Variants in DGKH observed in about 807,000 individuals in gnomAD.
DGKH encodes diacylglycerol kinase eta.
In DGKH, 90 loss-of-function variants were observed where a neutral mutation model predicts 159.3. The observed-to-expected ratio is 0.57, with a 90% confidence interval of 0.48 to 0.67. DGKH has a LOEUF of 0.67. Among genes scored for constraint, DGKH ranks in the 30% least tolerant of loss-of-function variants. DGKH has a pLI of 0.00. For missense variants in DGKH, 1,181 were observed against 1,506.1 expected (o/e 0.78, Z 3.57); for synonymous variants, 536 against 553.8 (o/e 0.97, Z 0.45).
At chr13:42,087,576 G>T (rs1347456694) in intron 1 of DGKH, among the ~76,000 whole-genome samples, 1 of 152,062 alleles carries the variant, frequency 6.6e-6, no homozygotes, top group African/African-American at 2.4e-5. Context: ...AACACAAGAG[G>T]ATTCATAAAG....
intron 28 of DGKH, among the ~76,000 whole-genome samples, chr13:42,220,989 T>G (rs1184920177): frequency 6.6e-6 from 1 of 152,190 alleles, no homozygotes; most frequent in Non-Finnish European, 1.5e-5. Flanking sequence ...TGTATGCATA[T>G]TGTGTAGGTT....
intron 1 of DGKH, among the ~76,000 whole-genome samples, chr13:42,051,876 G>C (rs1288919181): frequency 1.3e-5 from 2 of 151,916 alleles, no homozygotes; most frequent in African/African-American, 4.8e-5. Flanking sequence ...TGTTGGTCAG[G>C]CTGGTCTCGA....
chr13:42,084,949 T>C (rs1420328422), intron 1 of DGKH, among the ~76,000 whole-genome samples: 1 of 152,098 alleles, frequency 6.6e-6, no homozygotes, highest in Non-Finnish European at 1.5e-5. Context: ...ATCCTATAAA[T>C]AGATATGTAT....
At chr13:42,073,666 A>G (rs1883121072) in intron 1 of DGKH, among the ~76,000 whole-genome samples, 1 of 152,238 alleles carries the variant, frequency 6.6e-6, no homozygotes, top group Non-Finnish European at 1.5e-5. Flanking sequence ...TTTTCAGCTT[A>G]TGATATTTTT....
intron 1 of DGKH, among the ~76,000 whole-genome samples, chr13:42,093,941 T>A (rs1039326857): frequency 6.6e-6 from 1 of 152,010 alleles, no homozygotes; most frequent in African/African-American, 2.4e-5. Flanking sequence ...CACAATACTG[T>A]GAATGTACTT....
chr13:42,087,103 CA>C lies in DGKH; in HGVS notation c.192+38140del, dbSNP rs1462789271. Among the ~76,000 whole-genome samples the C allele has an allele frequency of 4.0e-3, 553 of 138,058 alleles. 2 individuals carry two copies. Among genetic ancestry groups the C allele is most frequent in the African/African-American group, 0.015 (533 of 36,740 alleles). 90.6% of individuals were successfully genotyped at this position (138,058 alleles called of 152,430 possible). A position where few individuals can be genotyped will look rare whatever the true frequency, so the allele number is the denominator to read the frequency against. On this transcript the variant is annotated intron_variant, in intron 1 of 29. Coordinates refer to ENST00000337343, the MANE Select transcript of DGKH (RefSeq NM_178009.5). ...CACACACCTCAGAACAGAGTAGGCA[CA>C]ACAATCCTTGAAGCTCATACAGAAC...
intron 2 of DGKH, among the ~76,000 whole-genome samples, chr13:42,128,834 GTTCTACAGTCTAC>G (rs1566116406): frequency 6.6e-6 from 1 of 152,176 alleles, no homozygotes; most frequent in Admixed American, 6.5e-5. Context: ...AAGTAGACTA[GTTCTACAGTCTAC>G]TTCAGTTTCA....
At chr13:42,120,090 A>G (rs1257769952) in intron 1 of DGKH, among the ~76,000 whole-genome samples, 1 of 152,222 alleles carries the variant, frequency 6.6e-6, no homozygotes, top group East Asian at 1.9e-4. Flanking sequence ...TGGATAGGAC[A>G]TTAAAGACTC....
rs908608821 is a variant in DGKH at position 42,237,776 on chromosome 13, T to C, written c.*8588T>C. 1 of 152,178 alleles carries C rather than the reference T, an allele frequency of 6.6e-6. No homozygotes were observed. Among genetic ancestry groups the C allele is most frequent in the Non-Finnish European group, 1.5e-5 (1 of 68,038 alleles). The allele number at this position is 152,178 out of a possible 1,614,324, so 9.4% of individuals were successfully genotyped here. ...AAATATCTGTGCTTTCTCATCTCAGTGATTGATGTCTGGAGAACTAGTCAG... is the reference window on the plus strand; with the variant it reads ...AAATATCTGTGCTTTCTCATCTCAGCGATTGATGTCTGGAGAACTAGTCAG... On this transcript the variant is annotated 3_prime_UTR_variant, in exon 30 of 30. Transcript: ENST00000337343.
At chr13:42,189,424 G>A (rs1957011126) in intron 15 of DGKH, 115 bp downstream of exon 15, 1 of 1,372,378 alleles carries the variant, frequency 7.3e-7, no homozygotes, top group Non-Finnish European at 9.8e-7. Flanking sequence ...AATTTTTAAG[G>A]CAAGATAGAA....
chr13:42,110,587 A>ATCATTCATTCATCCATTCAT (rs1954844534), intron 1 of DGKH, among the ~76,000 whole-genome samples: 1 of 150,880 alleles, frequency 6.6e-6, no homozygotes, highest in African/African-American at 2.4e-5. Context: ...TTGAAGGATA[A>ATCATTCATTCATCCATTCAT]TCATTCATTC....
chr13:42,214,455 T>C, intron 24 of DGKH, 52 bp from the exon 25 acceptor site: 2 of 1,547,062 alleles, frequency 1.3e-6, no homozygotes, highest in Non-Finnish European at 1.8e-6. Flanking sequence ...TCAAAAAAAA[T>C]GAGCAATACT....
At chr13:42,191,601 C>T (rs910520284) in intron 16 of DGKH, among the ~76,000 whole-genome samples, 4 of 152,108 alleles carry the variant, frequency 2.6e-5, no homozygotes, top group Admixed American at 6.5e-5. Flanking sequence ...TGAGCTGTGG[C>T]ATGATGAAGA....
At chr13:42,159,208 G>C in intron 5 of DGKH, 58 bp from the exon 6 acceptor site, 1 of 879,260 alleles carries the variant, frequency 1.1e-6, no homozygotes, top group Non-Finnish European at 1.6e-6. Flanking sequence ...TTTAATCATT[G>C]GTCCAAAATT....
At chr13:42,100,078 G>A (rs1355500364) in intron 1 of DGKH, among the ~76,000 whole-genome samples, 5 of 152,284 alleles carry the variant, frequency 3.3e-5, no homozygotes, top group Non-Finnish European at 5.9e-5. Flanking sequence ...GGTGAGTGGG[G>A]GGCAAGTGAG....
In DGKH at chr13:42,178,336, T is replaced by A. The variant is rs1956659034; in HGVS notation, c.1538+116T>A. 9 of 751,942 alleles carry A rather than the reference T, an allele frequency of 1.2e-5. No individual in the cohort carries two copies. In the South Asian group the frequency reaches 2.2e-4, roughly 18 times the overall value. The allele number at this position is 751,942 out of a possible 1,614,324, so 46.6% of individuals were successfully genotyped here. On this transcript the variant is annotated intron_variant, in intron 13 of 29. Coordinates refer to ENST00000337343, the MANE Select transcript of DGKH (RefSeq NM_178009.5). ...CTCAAAAAATATCTTGGAAGTAGCT[T>A]ATAAAATTAGATGTACTAAATTTGA...
upstream of DGKH, among the ~76,000 whole-genome samples, chr13:42,045,250 G>A (rs1392898531): frequency 6.6e-6 from 1 of 152,152 alleles, no homozygotes; most frequent in Non-Finnish European, 1.5e-5. Flanking sequence ...AGAGTTTAAG[G>A]ACGCAGTGAG....
In DGKH at chr13:42,237,707, C is replaced by T. The variant is rs2138313714; in HGVS notation, c.*8519C>T. Reference sequence around the variant, plus strand: ...AGGTAGTTCAGATGACCTAATCATTCAAGACATTTGATGGAGTCCACACAA... The same window carrying T: ...AGGTAGTTCAGATGACCTAATCATTTAAGACATTTGATGGAGTCCACACAA... On this transcript the variant is annotated 3_prime_UTR_variant, in exon 30 of 30. Transcript: ENST00000337343. The T allele has an allele frequency of 6.6e-6, 1 of 152,296 alleles. No homozygotes were observed. Among genetic ancestry groups the T allele is most frequent in the South Asian group, 2.1e-4 (1 of 4,828 alleles). The allele number at this position is 152,296 out of a possible 1,614,324, so 9.4% of individuals were successfully genotyped here. A position where few individuals can be genotyped will look rare whatever the true frequency, so the allele number is the denominator to read the frequency against.
chr13:42,185,503 C>A (rs1171119211), intron 13 of DGKH, among the ~76,000 whole-genome samples: 3 of 152,122 alleles, frequency 2.0e-5, no homozygotes, highest in Non-Finnish European at 4.4e-5. Flanking sequence ...GAATAAGATA[C>A]CAACAAAAGC....
Sources: gnomAD v4.1 joint callset for allele counts (sites outside exome capture counted in the v4.1 genomes callset) on GRCh38, gnomAD v4.1.1 for gene constraint, MANE v1.5 for transcripts, NCBI Gene and HGNC (gene_info 2026-07-23, HGNC 2026-07-21) for gene names.